The following ENOSF1 variants were observed in gnomAD, a reference collection of about 807,000 sequenced individuals.
The protein encoded by ENOSF1 is enolase superfamily member 1.
In ENOSF1, 73 loss-of-function variants were observed where a neutral mutation model predicts 68.2. The observed-to-expected ratio is 1.07, with a 90% CI of 0.89 to 1.30. The LOEUF (loss-of-function observed/expected upper bound fraction) is 1.30, where lower values mean the gene tolerates loss of function less well. Ranked by LOEUF, ENOSF1 falls within the 50% of genes most tolerant of loss-of-function variation. The pLI, the probability that ENOSF1 is intolerant of heterozygous loss-of-function variation, is 0.00. For missense variants in ENOSF1, 589 were observed against 554.5 expected (o/e 1.06, Z -0.62); for synonymous variants, 223 against 210.4 (o/e 1.06, Z -0.52).
At chr18:669,366 A>ATT (rs68090938), downstream of ENOSF1, 6,079 of 191,524 alleles carry the variant, frequency 0.032, 354 homozygotes, top group African/African-American at 0.14. Context: ...GGCCCAGAGG[A>ATT]TTTTTTTTTT....
intron 2 of ENOSF1, among the ~76,000 whole-genome samples, chr18:699,389 G>C (rs528539708): frequency 2.2e-4 from 33 of 152,166 alleles, no homozygotes; most frequent in African/African-American, 7.7e-4. Context: ...GAGGTAGGAG[G>C]ATCACTTTAG....
chr18:697,343 A>C lies in ENOSF1; in HGVS notation c.206T>G (p.Val69Gly). 1 of 1,612,268 alleles carries C rather than the reference A, an allele frequency of 6.2e-7. No homozygotes were observed. The highest frequency in any genetic ancestry group is 8.5e-7 in the Non-Finnish European group (1 of 1,179,218). The change falls in exon 3 of 16, where the codon GTG becomes GGG. Residue 69 changes from valine to glycine, a missense_variant. Val to Gly is a moderately radical substitution (Grantham distance 109, BLOSUM62 -3). Coordinates refer to ENST00000647584, the MANE Select transcript of ENOSF1 (RefSeq NM_017512.7). ...GKGTEVVVCA[V>G]NALAHHVLNK... is the part of the protein sequence containing the mutation. The stretch of plus-strand genomic sequence containing the variant: ...GAGCACATGGTGGGCGAGGGCATTC[A>C]CAGCACAGACAACTATTTAAAAAGG...
rs1424129921 is a variant in ENOSF1, at chr18:677,873, C to T, written c.919-1G>A. Reference sequence around the variant, plus strand: ...GCTTAAATATCACTCTATTGTGGCACTGGAAATAGAATTGAAAATAACACC... The same window carrying T: ...GCTTAAATATCACTCTATTGTGGCATTGGAAATAGAATTGAAAATAACACC... On this transcript the variant is annotated splice_acceptor_variant, in intron 12 of 15. Transcript: ENST00000647584. LOFTEE classifies it high-confidence loss of function. The T allele has an allele frequency of 5.0e-6, 8 of 1,611,266 alleles. No homozygotes were observed. Among genetic ancestry groups the T allele is most frequent in the Non-Finnish European group, 6.8e-6 (8 of 1,179,298 alleles).
At chr18:691,391 G>C (rs772840940) in intron 5 of ENOSF1, 115 bp from the exon 6 acceptor site, 357 of 837,088 alleles carry the variant, frequency 4.3e-4, no homozygotes, top group Non-Finnish European at 6.1e-4. Flanking sequence ...TGTTGCCCAG[G>C]CTGGAGTGCA....
intron 13 of ENOSF1, 21 bp from the exon 14 acceptor site, chr18:677,465 T>C: frequency 6.2e-7 from 1 of 1,606,688 alleles, no homozygotes; most frequent in Non-Finnish European, 8.5e-7. Flanking sequence ...ATCGTTTCTA[T>C]TTAATACCAA....
chr18:687,283 C>A (rs2076702784), intron 9 of ENOSF1: 1 of 152,224 alleles, frequency 6.6e-6, no homozygotes. Context: ...TTCATGCTGC[C>A]TCCTTCAAGT....
chr18:680,645 A>G (rs1356056099), intron 11 of ENOSF1, among the ~76,000 whole-genome samples: 2 of 144,640 alleles, frequency 1.4e-5, no homozygotes, highest in Non-Finnish European at 3.0e-5. Flanking sequence ...CAGTCACATT[A>G]TCTGTGCTTC....
At chr18:696,447 G>A (rs1368192351) in intron 3 of ENOSF1, among the ~76,000 whole-genome samples, 2 of 151,856 alleles carry the variant, frequency 1.3e-5, no homozygotes, top group East Asian at 2.0e-4. Flanking sequence ...TCCTGACCTC[G>A]TGATCTGCCT....
Position 674,035 on chromosome 18 carries a change from A to T in ENOSF1, c.*270T>A. 1 of 294,988 alleles carries T rather than the reference A, an allele frequency of 3.4e-6. No homozygotes were observed. Among genetic ancestry groups the T allele is most frequent in the Non-Finnish European group, 6.3e-6 (1 of 159,986 alleles). The allele number at this position is 294,988 out of a possible 1,614,324, so 18.3% of individuals were successfully genotyped here. On this transcript the variant is annotated 3_prime_UTR_variant, in exon 16 of 16. Coordinates refer to ENST00000647584, the MANE Select transcript of ENOSF1 (RefSeq NM_017512.7). ...AATTACAGTTTAATGTCTAGGTGCC[A>T]GCCCTTGATATAGCTATTTTTGTAA... is the stretch of plus-strand genomic sequence containing the variant.
At chr18:666,939 AGATGGTGATGGT>A (rs1301411807), downstream of ENOSF1, among the ~76,000 whole-genome samples, 111 of 28,114 alleles carry the variant, frequency 3.9e-3, 13 homozygotes, top group East Asian at 0.039. Flanking sequence ...ATGGTGATGG[AGATGGTGATGGT>A]GATGGAGATG....
chr18:688,519 T>C (rs2076840862), intron 9 of ENOSF1, 55 bp downstream of exon 9: 2 of 1,612,448 alleles, frequency 1.2e-6, no homozygotes, highest in Admixed American at 3.3e-5. Flanking sequence ...AGAGACTTAC[T>C]GCCTGAGTCT....
intron 3 of ENOSF1, 93 bp downstream of exon 3, chr18:697,147 C>G: frequency 1.1e-6 from 1 of 873,808 alleles, no homozygotes. Context: ...AATAAATAAA[C>G]CCATCTCTAT....
At position 700,890 on chromosome 18, in the gene ENOSF1, C is replaced by CAAA. The variant is rs71174273; in HGVS notation, c.194-3538_194-3536dup. Among the ~76,000 whole-genome samples the CAAA allele has an allele frequency of 7.4e-3, 473 of 64,306 alleles. 2 individuals are homozygous for CAAA. The highest frequency in any genetic ancestry group is 8.9e-3 in the African/African-American group (146 of 16,348). 42.2% of individuals were successfully genotyped at this position (64,306 alleles called of 152,430 possible). On this transcript the variant is annotated intron_variant, in intron 2 of 15. Transcript: ENST00000647584. ...GGGCGACAAGAGCGAAACTCTGCCT[C>CAAA]AAAAAAAAAAAAAAAAAAAAAAAAC...
Position 678,691 on chromosome 18 carries a change from C to T in ENOSF1, c.918+5G>A, listed in dbSNP as rs748146871. 1.2e-6 allele frequency: 2 copies of T among 1,613,900 alleles called. No homozygotes were observed. The highest frequency in any genetic ancestry group is 1.3e-5 in the African/African-American group (1 of 75,056). On this transcript the variant is annotated splice_donor_5th_base_variant and intron_variant, in intron 12 of 15. Transcript: ENST00000647584. ...CGTCATCCACCTGTTGGGGGCGTCA[C>T]TCACCTGTTCTCCTGTGGCAATGCC...
intron 2 of ENOSF1, among the ~76,000 whole-genome samples, chr18:699,066 G>C (rs2078048436): frequency 6.6e-6 from 1 of 152,072 alleles, no homozygotes; most frequent in African/African-American, 2.4e-5. Flanking sequence ...TGGGGCAGTG[G>C]GTGGGGAGGT....
chr18:680,996 G>A (rs560655683), intron 11 of ENOSF1, among the ~76,000 whole-genome samples: 74 of 152,096 alleles, frequency 4.9e-4, no homozygotes, highest in African/African-American at 1.4e-3. Flanking sequence ...ATAGGTGGGC[G>A]GATCACGAGG....
At chr18:678,309 C>A in intron 12 of ENOSF1, 2 of 316,654 alleles carry the variant, frequency 6.3e-6, no homozygotes, top group South Asian at 4.3e-5. Context: ...CGTGGGCTGA[C>A]TGCAGCAGGT....
intron 15 of ENOSF1, 95 bp downstream of exon 15, chr18:675,226 A>G (rs2075361143): frequency 1.1e-6 from 1 of 907,018 alleles, no homozygotes; most frequent in Admixed American, 2.0e-5. Context: ...AACAAACAGG[A>G]GTCAAAGCTT....
At chr18:681,049 A>T (rs531567134) in intron 11 of ENOSF1, among the ~76,000 whole-genome samples, 1 of 152,138 alleles carries the variant, frequency 6.6e-6, no homozygotes, top group South Asian at 2.1e-4. Context: ...TTTAGTAGAG[A>T]CGAGGTTTCA....
Sources: gnomAD v4.1 joint callset for allele counts (sites outside exome capture counted in the v4.1 genomes callset) on GRCh38, gnomAD v4.1.1 for gene constraint, MANE v1.5 for transcripts, NCBI Gene and HGNC (gene_info 2026-07-23, HGNC 2026-07-21) for gene names.